Variants in TRMT11 observed in about 807,000 individuals in gnomAD.
TRMT11 encodes tRNA methyltransferase 11, also known as tRNA (guanine(10)-N(2))-methyltransferase TRMT11.
A neutral mutation model predicts 62.8 loss-of-function variants in TRMT11; 53 were observed. The observed-to-expected ratio is 0.84, with a 90% confidence interval of 0.68 to 1.06. The LOEUF (loss-of-function observed/expected upper bound fraction) is 1.06, where lower values mean the gene tolerates loss of function less well. Ranked by LOEUF, TRMT11 falls within the 50% of genes least tolerant of loss-of-function variation. The pLI is 0.00. For synonymous variants in TRMT11, 188 were observed against 190.3 expected (o/e 0.99, Z 0.10); for missense variants, 556 against 553.4 (o/e 1.00, Z -0.05).
chr6:126,067,372 TA>T lies in TRMT11; in HGVS notation c.*1437+14183del, dbSNP rs1176568019. Among the ~76,000 whole-genome samples, 4 of 152,312 alleles carry T rather than the reference TA, an allele frequency of 2.6e-5. No individual in the cohort carries two copies. In the East Asian group the frequency reaches 7.7e-4, roughly 29 times the overall value. The stretch of plus-strand genomic sequence containing the variant: ...CTCTGTGCCTTCTAAGTGTAAGCAA[TA>T]TCTTGACTTTTAGATAATCCTTCAT... On this transcript the variant is annotated intron_variant and NMD_transcript_variant, in intron 17 of 22. Transcript: ENST00000648977.
intron 12 of TRMT11, among the ~76,000 whole-genome samples, chr6:126,021,777 A>G (rs994808800): frequency 3.9e-5 from 6 of 152,222 alleles, no homozygotes. Context: ...CATTCATTAC[A>G]TTCTTATAAA....
intron 21 of TRMT11, among the ~76,000 whole-genome samples, chr6:126,161,516 A>G (rs776178913): frequency 8.9e-4 from 135 of 152,286 alleles, no homozygotes; most frequent in Non-Finnish European, 4.1e-4. Flanking sequence ...AGTCTTTGCT[A>G]TTGTGAATAG....
intron 12 of TRMT11, among the ~76,000 whole-genome samples, chr6:126,025,778 C>T (rs1772947969): frequency 6.6e-6 from 1 of 152,152 alleles, no homozygotes; most frequent in South Asian, 2.1e-4. Context: ...TAGATTTTTA[C>T]ACTTTTGTAT....
chr6:126,139,016 A>G (rs1777884485), intron 21 of TRMT11, among the ~76,000 whole-genome samples: 2 of 152,028 alleles, frequency 1.3e-5, no homozygotes, highest in Admixed American at 1.3e-4. Context: ...TAGGAAAACA[A>G]TAATGCATAC....
intron 16 of TRMT11, among the ~76,000 whole-genome samples, chr6:126,046,608 C>G (rs1776068502): frequency 6.6e-6 from 1 of 152,014 alleles, no homozygotes; most frequent in African/African-American, 2.4e-5. Flanking sequence ...TGCTGGGGGA[C>G]TTTATAGGAG....
At chr6:125,986,652 G>T in intron 1 of TRMT11, 30 bp downstream of exon 1, 1 of 1,555,718 alleles carries the variant, frequency 6.4e-7, no homozygotes, top group Non-Finnish European at 8.7e-7. Flanking sequence ...CGGAACTTCC[G>T]ACGGAAGAGG....
At chr6:126,012,568 A>G (rs981683542) in intron 9 of TRMT11, among the ~76,000 whole-genome samples, 28 of 152,114 alleles carry the variant, frequency 1.8e-4, no homozygotes, top group African/African-American at 6.3e-4. Flanking sequence ...GCTTTTCTCA[A>G]TGACTTTTAT....
chr6:126,028,193 G>A (rs1773542548), intron 12 of TRMT11, among the ~76,000 whole-genome samples: 1 of 152,112 alleles, frequency 6.6e-6, no homozygotes, highest in African/African-American at 2.4e-5. Context: ...TCCCAAAACT[G>A]TGGGTTCCCT....
chr6:126,250,735 G>A, the TRMT11 span, among the ~76,000 whole-genome samples: 1 of 152,202 alleles, frequency 6.6e-6, no homozygotes, highest in African/African-American at 2.4e-5. Context: ...TATGGTAAAT[G>A]TTTGAGGCAT....
At chr6:126,263,388 T>G in the TRMT11 span, among the ~76,000 whole-genome samples, 1 of 152,154 alleles carries the variant, frequency 6.6e-6, no homozygotes. Context: ...CATATAAATA[T>G]ATCACTAAAC....
intron 12 of TRMT11, among the ~76,000 whole-genome samples, chr6:126,027,494 G>C (rs1773403283): frequency 6.6e-6 from 1 of 152,140 alleles, no homozygotes; most frequent in South Asian, 2.1e-4. Context: ...GCCATCATGT[G>C]CCCTATTTAT....
chr6:126,119,027 C>T (rs1240799567), intron 21 of TRMT11, among the ~76,000 whole-genome samples: 1 of 152,102 alleles, frequency 6.6e-6, no homozygotes, highest in Non-Finnish European at 1.5e-5. Context: ...TGGGCTTTCA[C>T]TTTATTTCCA....
chr6:126,023,944 G>A (rs1014276194), intron 12 of TRMT11, among the ~76,000 whole-genome samples: 3 of 152,094 alleles, frequency 2.0e-5, no homozygotes, highest in Admixed American at 2.0e-4. Flanking sequence ...TAATGCTTTA[G>A]AAAGAACAAA....
chr6:126,168,224 C>T (rs1017745659), intron 21 of TRMT11, among the ~76,000 whole-genome samples: 5 of 152,156 alleles, frequency 3.3e-5, no homozygotes, highest in African/African-American at 1.2e-4. Context: ...CCTAGAAAAG[C>T]TGTGTAGTCA....
chr6:126,040,866 T>C (rs1775856228), downstream of TRMT11, among the ~76,000 whole-genome samples: 1 of 152,092 alleles, frequency 6.6e-6, no homozygotes, highest in African/African-American at 2.4e-5. Context: ...TTTGCTCTAA[T>C]AGCTGGGAGG....
At chr6:126,258,329 G>A in the TRMT11 span, 37 of 393,252 alleles carry the variant, frequency 9.4e-5, no homozygotes, top group Non-Finnish European at 1.2e-4. Context: ...GGCCAGGGCC[G>A]CCGTCTGCCA....
intron 17 of TRMT11, among the ~76,000 whole-genome samples, chr6:126,060,846 A>G (rs1279019832): frequency 6.6e-6 from 1 of 152,252 alleles, no homozygotes; most frequent in African/African-American, 2.4e-5. Flanking sequence ...AACATAGACT[A>G]CTTGTTGTTT....
At chr6:126,072,371 A>G (rs7763104) in intron 17 of TRMT11, among the ~76,000 whole-genome samples, 26,082 of 152,126 alleles carry the variant, frequency 0.17, 7,301 homozygotes, top group African/African-American at 0.59. Flanking sequence ...TTTTCTTTCA[A>G]CACTTGTATT....
chr6:125,996,557 C>G (rs1187000667), intron 3 of TRMT11, among the ~76,000 whole-genome samples: 2 of 152,080 alleles, frequency 1.3e-5, no homozygotes, highest in African/African-American at 4.8e-5. Context: ...TGTTTCTAGA[C>G]TTTATCATTG....
Sources: gnomAD v4.1 joint callset for allele counts (sites outside exome capture counted in the v4.1 genomes callset) on GRCh38, gnomAD v4.1.1 for gene constraint, MANE v1.5 for transcripts, NCBI Gene and HGNC (gene_info 2026-07-23, HGNC 2026-07-21) for gene names.